The following MACROD2 variants were observed in gnomAD, a reference collection of about 807,000 sequenced individuals.
MACROD2 encodes the protein mono-ADP ribosylhydrolase 2, also known as ADP-ribose glycohydrolase MACROD2.
In MACROD2, 36 loss-of-function variants were observed where a neutral mutation model predicts 70.4. That is an observed-to-expected ratio of 0.51 (90% CI 0.39 to 0.68). MACROD2 has a LOEUF of 0.68. Ranked by LOEUF, MACROD2 falls within the 30% of genes least tolerant of loss-of-function variation. MACROD2 has a pLI of 0.00. For synonymous variants in MACROD2, 172 were observed against 178.8 expected (o/e 0.96, Z 0.30); for missense variants, 496 against 538.4 (o/e 0.92, Z 0.78).
At chr20:14,631,804 A>G (rs1264688099) in intron 4 of MACROD2, 1 of 152,108 alleles carries the variant, frequency 6.6e-6, no homozygotes, top group Non-Finnish European at 1.5e-5. Flanking sequence ...AAAACCAATT[A>G]TATCTTTAAA....
rs368330434 is a variant in MACROD2 at position 14,311,325 on chromosome 20, T to G, written c.272-182154T>G. On this transcript the variant is annotated intron_variant, in intron 3 of 17. Transcript: ENST00000684519. ...CACTGTGTTACAATTGCTTACAGTA[T>G]TCAGTATAGTAACATGCGGTACAGG... 4.6e-5 allele frequency among the ~76,000 whole-genome samples: 7 copies of G among 152,172 alleles called. No individual in the cohort carries two copies. In the East Asian group the frequency reaches 9.6e-4, roughly 21 times the overall value.
intron 5 of MACROD2, among the ~76,000 whole-genome samples, chr20:14,772,890 T>G (rs1447221003): frequency 6.6e-6 from 1 of 152,052 alleles, no homozygotes; most frequent in East Asian, 1.9e-4. Flanking sequence ...TAAACAATTT[T>G]TTCTCTTTCT....
At chr20:15,186,947 AT>A (rs1196429349) in intron 5 of MACROD2, among the ~76,000 whole-genome samples, 1 of 152,348 alleles carries the variant, frequency 6.6e-6, no homozygotes, top group East Asian at 1.9e-4. Context: ...AGTTTTTAAA[AT>A]ATCTATGCCT....
chr20:15,569,355 T>G (rs896983505), intron 8 of MACROD2, among the ~76,000 whole-genome samples: 3 of 152,352 alleles, frequency 2.0e-5, no homozygotes, highest in African/African-American at 7.2e-5. Flanking sequence ...GTGGAAGGAC[T>G]AAATCTAGCT....
chr20:15,410,559 G>A (rs16995687), intron 6 of MACROD2, among the ~76,000 whole-genome samples: 5,352 of 152,134 alleles, frequency 0.035, 121 homozygotes, highest in Middle Eastern at 0.065. Context: ...TCTGGTAGTG[G>A]CGACAATACA....
Position 15,967,695 on chromosome 20 carries a change from A to G in MACROD2, c.985+65A>G, listed in dbSNP as rs957608074. The G allele has an allele frequency of 5.0e-6, 7 of 1,406,186 alleles. No individual in the cohort carries two copies. The East Asian group carries it at 1.2e-4, about 24-fold the overall frequency. 87.1% of individuals were successfully genotyped at this position (1,406,186 alleles called of 1,614,324 possible). A position where few individuals can be genotyped will look rare whatever the true frequency, so the allele number is the denominator to read the frequency against. ...GCTGGGAAACAGAAAAAAAAAAAAA[A>G]AAAAAACCCACAGACTTGAATTTTT... On this transcript the variant is annotated intron_variant, in intron 13 of 17. Coordinates refer to ENST00000684519, the MANE Select transcript of MACROD2 (RefSeq NM_001351661.2).
At chr20:15,563,890 T>C (rs2048277297) in intron 8 of MACROD2, among the ~76,000 whole-genome samples, 1 of 152,218 alleles carries the variant, frequency 6.6e-6, no homozygotes, top group South Asian at 2.1e-4. Context: ...TATGATTCCA[T>C]TTAATCAGCG....
At chr20:14,068,446 ACTC>A (rs778750563) in intron 2 of MACROD2, among the ~76,000 whole-genome samples, 3 of 152,028 alleles carry the variant, frequency 2.0e-5, no homozygotes, top group Non-Finnish European at 4.4e-5. Context: ...CAGAATACGA[ACTC>A]CTCATTCTAG....
chr20:15,570,508 C>A (rs572951585), intron 8 of MACROD2, among the ~76,000 whole-genome samples: 208 of 152,240 alleles, frequency 1.4e-3, no homozygotes, highest in Middle Eastern at 0.01. Context: ...CCAGCTCAAG[C>A]AAGAAAAGAA....
intron 4 of MACROD2, among the ~76,000 whole-genome samples, chr20:14,623,914 A>G (rs1983983011): frequency 1.3e-5 from 2 of 152,206 alleles, no homozygotes; most frequent in African/African-American, 4.8e-5. Flanking sequence ...ATTTCTTCTC[A>G]TCTTATCAGG....
At chr20:15,537,623 A>G (rs2146560070) in intron 8 of MACROD2, among the ~76,000 whole-genome samples, 1 of 152,040 alleles carries the variant, frequency 6.6e-6, no homozygotes, top group Middle Eastern at 3.4e-3. Flanking sequence ...ACAGGTGCAC[A>G]CTACCATGCC....
chr20:16,049,788 G>A (rs1261784252), intron 17 of MACROD2, 42 bp from the exon 18 acceptor site: 1 of 1,605,466 alleles, frequency 6.2e-7, no homozygotes, highest in Admixed American at 1.7e-5. Flanking sequence ...CTGTGAAGAT[G>A]TCTTATCTTT....
chr20:15,022,419 A>C (rs1439007084), intron 5 of MACROD2, among the ~76,000 whole-genome samples: 1 of 152,150 alleles, frequency 6.6e-6, no homozygotes, highest in Non-Finnish European at 1.5e-5. Context: ...TATTGGTGGT[A>C]GACTTTGATT....
intron 5 of MACROD2, among the ~76,000 whole-genome samples, chr20:14,993,247 T>A (rs2074920911): frequency 6.6e-6 from 1 of 151,788 alleles, no homozygotes; most frequent in African/African-American, 2.4e-5. Flanking sequence ...TGCAACCAGA[T>A]GTTATCTGCT....
At chr20:15,744,574 G>A (rs894080660) in intron 8 of MACROD2, among the ~76,000 whole-genome samples, 1 of 152,120 alleles carries the variant, frequency 6.6e-6, no homozygotes, top group Non-Finnish European at 1.5e-5. Flanking sequence ...CATTGAAGTT[G>A]ACCAAGCTTG....
intron 11 of MACROD2, among the ~76,000 whole-genome samples, chr20:15,937,061 G>A (rs1171886942): frequency 1.3e-5 from 2 of 152,166 alleles, no homozygotes; most frequent in African/African-American, 2.4e-5. Flanking sequence ...TGGAGCAGAA[G>A]TGCTGTGCTA....
At chr20:14,358,001 A>G (rs1024372087) in intron 3 of MACROD2, among the ~76,000 whole-genome samples, 2 of 152,238 alleles carry the variant, frequency 1.3e-5, no homozygotes, top group Non-Finnish European at 2.9e-5. Context: ...CCATTGAAAC[A>G]TTCAACTTGT....
intron 8 of MACROD2, among the ~76,000 whole-genome samples, chr20:15,638,443 G>C (rs1298507384): frequency 6.6e-6 from 1 of 152,178 alleles, no homozygotes; most frequent in Non-Finnish European, 1.5e-5. Context: ...TTAAAAGCTA[G>C]CAATATTAAC....
intron 3 of MACROD2, among the ~76,000 whole-genome samples, chr20:14,202,103 CA>C (rs1211871692): frequency 6.6e-6 from 1 of 152,036 alleles, no homozygotes; most frequent in Non-Finnish European, 1.5e-5. Context: ...TTCTTTTCGT[CA>C]TTTTACTACT....
Sources: allele counts gnomAD v4.1 joint callset (sites outside exome capture counted in the v4.1 genomes callset), GRCh38; gene constraint gnomAD v4.1.1; transcripts MANE v1.5; gene names NCBI Gene and HGNC (gene_info 2026-07-23, HGNC 2026-07-21).